Variants in KPNA5 observed in about 807,000 individuals in gnomAD.
KPNA5 encodes the protein importin subunit alpha-6.
A neutral mutation model predicts 71.3 loss-of-function variants in KPNA5; 46 were observed. The ratio of observed to expected loss-of-function variants is 0.65; its 90% CI spans 0.51 to 0.83. The LOEUF is 0.83. Ranked by LOEUF, KPNA5 falls within the 40% of genes least tolerant of loss-of-function variation. The pLI is 0.00. For missense variants in KPNA5, 547 were observed against 628.3 expected (o/e 0.87, Z 1.38); for synonymous variants, 207 against 201.4 (o/e 1.03, Z -0.24).
At chr6:116,717,892 C>A (rs1034487018) in intron 8 of KPNA5, among the ~76,000 whole-genome samples, 2 of 152,200 alleles carry the variant, frequency 1.3e-5, no homozygotes, top group South Asian at 4.2e-4. Flanking sequence ...TGTGCCCCCC[C>A]CACCGCCAGA....
rs1369496909 is a variant in KPNA5 at position 116,741,438 on chromosome 6, G to C, written c.*9115G>C. The C allele has an allele frequency of 6.6e-6, 1 of 152,162 alleles. No individual in the cohort carries two copies. The highest frequency in any genetic ancestry group is 2.4e-5 in the African/African-American group (1 of 41,534). The allele number at this position is 152,162 out of a possible 1,614,324, so 9.4% of individuals were successfully genotyped here. ...AATAGTTGACATTTTCAGAGTACTT[G>C]TTAAGTGAATTTTAACAAAATAGTT... On this transcript the variant is annotated 3_prime_UTR_variant, in exon 14 of 14. Coordinates refer to ENST00000368564, the MANE Select transcript of KPNA5 (RefSeq NM_001366306.2).
chr6:116,708,369 T>G (rs1381671399), intron 7 of KPNA5, among the ~76,000 whole-genome samples: 1 of 152,194 alleles, frequency 6.6e-6, no homozygotes, highest in African/African-American at 2.4e-5. Context: ...GTCCTAGCAA[T>G]GTATGAGTGT....
At chr6:116,689,634 G>T (rs1285796817) in intron 2 of KPNA5, among the ~76,000 whole-genome samples, 181 bp downstream of exon 2, 4 of 152,120 alleles carry the variant, frequency 2.6e-5, no homozygotes, top group Non-Finnish European at 1.5e-5. Context: ...TAGTCACTGG[G>T]AGAAATGGAT....
At chr6:116,708,204 A>G (rs900237900) in intron 7 of KPNA5, among the ~76,000 whole-genome samples, 1 of 152,222 alleles carries the variant, frequency 6.6e-6, no homozygotes, top group Non-Finnish European at 1.5e-5. Context: ...TAGTGCTCCT[A>G]TGAACATTCA....
chr6:116,692,624 A>G (rs1297418155), intron 4 of KPNA5, among the ~76,000 whole-genome samples: 1 of 152,218 alleles, frequency 6.6e-6, no homozygotes, highest in East Asian at 1.9e-4. Flanking sequence ...AGAGGCAAAT[A>G]TAAAAAGATT....
intron 7 of KPNA5, among the ~76,000 whole-genome samples, chr6:116,709,766 A>G (rs1259871376): frequency 1.4e-5 from 2 of 146,466 alleles, no homozygotes; most frequent in South Asian, 2.2e-4. Flanking sequence ...GTTTCCTTCT[A>G]TTTCTTTTTT....
In KPNA5 at chr6:116,734,705, G is replaced by A. The variant is rs1779608883; in HGVS notation, c.*2382G>A. On this transcript the variant is annotated 3_prime_UTR_variant, in exon 14 of 14. Transcript: ENST00000368564. Reference sequence around the variant, plus strand: ...CATTTAAAATATTTCATCAGGCAGAGCCCTGACCAGGAAAAAAAAAAAAAA... The same window carrying A: ...CATTTAAAATATTTCATCAGGCAGAACCCTGACCAGGAAAAAAAAAAAAAA... 1 of 141,290 alleles carries A rather than the reference G, an allele frequency of 7.1e-6. No individual in the cohort carries two copies. The highest frequency in any genetic ancestry group is 1.5e-5 in the Non-Finnish European group (1 of 65,870). 8.8% of individuals were successfully genotyped at this position (141,290 alleles called of 1,614,324 possible).
chr6:116,738,098 C>G lies in KPNA5; in HGVS notation c.*5775C>G, dbSNP rs985274669. ...TCGTGACCTATGAAAATTGACAGAC[C>G]GTTAGCAAGACTAATAAAGAAGAAA... On this transcript the variant is annotated 3_prime_UTR_variant, in exon 14 of 14. Coordinates refer to ENST00000368564, the MANE Select transcript of KPNA5 (RefSeq NM_001366306.2). 6.6e-6 allele frequency: 1 copy of G among 151,572 alleles called. No homozygotes were observed. Among genetic ancestry groups the G allele is most frequent in the Non-Finnish European group, 1.5e-5 (1 of 67,840 alleles). 9.4% of individuals were successfully genotyped at this position (151,572 alleles called of 1,614,324 possible).
At chr6:116,724,954 G>A (rs115545183) in intron 10 of KPNA5, among the ~76,000 whole-genome samples, 3,221 of 152,120 alleles carry the variant, frequency 0.021, 112 homozygotes, top group African/African-American at 0.073. Flanking sequence ...TATTTAACAC[G>A]TTAGATTCTC....
intron 6 of KPNA5, among the ~76,000 whole-genome samples, chr6:116,702,462 C>T (rs1410813579): frequency 6.6e-6 from 1 of 152,068 alleles, no homozygotes; most frequent in East Asian, 1.9e-4. Flanking sequence ...GCAAGCAGAT[C>T]ACTTGAGGCC....
chr6:116,729,008 G>A (rs1583448233), intron 12 of KPNA5, among the ~76,000 whole-genome samples: 1 of 151,998 alleles, frequency 6.6e-6, no homozygotes, highest in Non-Finnish European at 1.5e-5. Flanking sequence ...TCACAAGAGA[G>A]CCTGTTTTGT....
rs1583453868 is a variant in KPNA5, at chr6:116,734,166, C to G, written c.*1843C>G. On this transcript the variant is annotated 3_prime_UTR_variant, in exon 14 of 14. Coordinates refer to ENST00000368564, the MANE Select transcript of KPNA5 (RefSeq NM_001366306.2). The stretch of plus-strand genomic sequence containing the variant: ...ATTGATGGTGAATTTATCAGATTAA[C>G]CTTTTTGTGGTGCAGATGGTTCTAA... The G allele has an allele frequency of 6.6e-6, 1 of 151,786 alleles. No individual in the cohort carries two copies. The highest frequency in any genetic ancestry group is 1.9e-4 in the East Asian group (1 of 5,184). 9.4% of individuals were successfully genotyped at this position (151,786 alleles called of 1,614,324 possible).
intron 13 of KPNA5, among the ~76,000 whole-genome samples, 188 bp from the exon 14 acceptor site, chr6:116,731,948 C>A (rs765261870): frequency 6.6e-6 from 1 of 151,156 alleles, no homozygotes; most frequent in African/African-American, 2.4e-5. Flanking sequence ...AAGTATAAAT[C>A]GTAAGTGATG....
intron 1 of KPNA5, 51 bp downstream of exon 1, chr6:116,681,389 C>T (rs1209881593): frequency 2.6e-6 from 4 of 1,526,134 alleles, no homozygotes; most frequent in Admixed American, 2.1e-5. Context: ...GTTTTGGTCC[C>T]TTTGGGAACT....
intron 6 of KPNA5, among the ~76,000 whole-genome samples, chr6:116,703,583 C>T (rs1397027661): frequency 6.6e-6 from 1 of 152,058 alleles, no homozygotes; most frequent in Admixed American, 6.6e-5. Flanking sequence ...ATTTTTAAAG[C>T]TCTTACTATG....
rs1323679003 is a variant in KPNA5 at position 116,729,571 on chromosome 6, T to A, written c.1262T>A (p.Val421Glu). ...TTTATATTAATCTGAAGGTATTTGG[T>A]AGCTTTAGGCTGCATTAAACCACTT... is the stretch of plus-strand genomic sequence containing the variant. ...GGTPEQIRYLVALGCIKPLCD... is the reference protein window; with the variant it reads ...GGTPEQIRYLEALGCIKPLCD... The change falls in exon 13 of 14, where the codon GTA becomes GAA. Residue 421 changes from valine (V) to glutamate (E), a missense_variant. By Grantham distance (121) the Val-to-Glu change is moderately radical. Coordinates refer to ENST00000368564, the MANE Select transcript of KPNA5 (RefSeq NM_001366306.2). 6.5e-7 allele frequency: 1 copy of A among 1,540,692 alleles called. No individual in the cohort carries two copies. Among genetic ancestry groups the A allele is most frequent in the Non-Finnish European group, 8.8e-7 (1 of 1,141,318 alleles).
chr6:116,741,707 A>C lies in KPNA5; in HGVS notation c.*9384A>C, dbSNP rs1373738637. Reference sequence around the variant, plus strand: ...TTATTAAACCTTTGTTCTGGGATTTACTGTTAAAAAACAAACAAAAAACAA... The same window carrying C: ...TTATTAAACCTTTGTTCTGGGATTTCCTGTTAAAAAACAAACAAAAAACAA... On this transcript the variant is annotated 3_prime_UTR_variant, in exon 14 of 14. Coordinates refer to ENST00000368564, the MANE Select transcript of KPNA5 (RefSeq NM_001366306.2). 6.5e-6 allele frequency: 1 copy of C among 152,824 alleles called. No individual in the cohort carries two copies. Among genetic ancestry groups the C allele is most frequent in the Non-Finnish European group, 1.5e-5 (1 of 68,036 alleles). The allele number at this position is 152,824 out of a possible 1,614,324, so 9.5% of individuals were successfully genotyped here.
At chr6:116,730,427 G>C (rs1779441323) in intron 13 of KPNA5, among the ~76,000 whole-genome samples, 1 of 152,030 alleles carries the variant, frequency 6.6e-6, no homozygotes, top group Non-Finnish European at 1.5e-5. Context: ...CATTTGAATG[G>C]AAGTTTAACC....
chr6:116,687,817 GTA>G (rs1466894417), intron 1 of KPNA5, among the ~76,000 whole-genome samples: 1 of 152,102 alleles, frequency 6.6e-6, no homozygotes, highest in Non-Finnish European at 1.5e-5. Flanking sequence ...TGTTTTCATT[GTA>G]GTAACTTGTT....
Sources: gnomAD v4.1 joint callset for allele counts (sites outside exome capture counted in the v4.1 genomes callset) on GRCh38, gnomAD v4.1.1 for gene constraint, MANE v1.5 for transcripts, NCBI Gene and HGNC (gene_info 2026-07-23, HGNC 2026-07-21) for gene names.